The following NCOR2 variants were observed in gnomAD, a reference collection of about 807,000 sequenced individuals.
The protein encoded by NCOR2 is nuclear receptor corepressor 2, also known as CTG repeat protein 26.
Under a neutral mutation model 262.9 loss-of-function variants are expected in NCOR2, and 81 were observed. That is an observed-to-expected ratio of 0.31 (90% CI 0.26 to 0.37). The LOEUF (loss-of-function observed/expected upper bound fraction) is 0.37, where lower values mean the gene tolerates loss of function less well. NCOR2 is among the 10% of genes least tolerant of loss of function. NCOR2 has a pLI of 1.00. For synonymous variants in NCOR2, 1,659 were observed against 1,559.3 expected, an observed-to-expected ratio of 1.06 and a Z score of -1.51; for missense variants, 3,385 against 3,621.4, an observed-to-expected ratio of 0.93 and a Z score of 1.68.
chr12:124,395,579 C>T (rs1035328072), intron 16 of NCOR2, among the ~76,000 whole-genome samples: 4 of 152,210 alleles, frequency 2.6e-5, no homozygotes, highest in African/African-American at 7.2e-5. Flanking sequence ...TGGTGGGACA[C>T]GGGCTCCTCT....
chr12:124,411,509 T>G (rs2042585901), intron 13 of NCOR2, among the ~76,000 whole-genome samples: 1 of 152,164 alleles, frequency 6.6e-6, no homozygotes, highest in Admixed American at 6.5e-5. Context: ...GAGGCCCCCT[T>G]GGCCACATGA....
Position 124,333,290 on chromosome 12 carries a change from A to C in NCOR2, c.6606-11T>G. ...TTTGGCTCTGGAGACCTGGATGGAG[A>C]AAGGGCCCCAGATGTGGTCAGAGGT... On this transcript the variant is annotated splice_polypyrimidine_tract_variant and intron_variant, in intron 41 of 46. Coordinates refer to ENST00000405201, the Ensembl canonical transcript of NCOR2. 6.3e-7 allele frequency: 1 copy of C among 1,592,976 alleles called. No homozygotes were observed. The highest frequency in any genetic ancestry group is 1.1e-5 in the South Asian group (1 of 88,030).
chr12:124,400,947 G>A (rs993105927), intron 14 of NCOR2, among the ~76,000 whole-genome samples: 2 of 152,194 alleles, frequency 1.3e-5, no homozygotes, highest in African/African-American at 4.8e-5. Context: ...GGTCACACCT[G>A]TAATCTCAGC....
In NCOR2 at chr12:124,483,856, G is replaced by C. The variant is rs567840516; in HGVS notation, c.234-83C>G. ...AGGCCCCGACCACCCTCTGCGCCGA[G>C]CATCTACTGCGCGCCGTGCTCTGTA... On this transcript the variant is annotated intron_variant, in intron 2 of 46. Transcript: ENST00000405201. This position sits in a 1 kb window ranked among gnomAD's most constrained non-coding sequence, Gnocchi z 6.3. The C allele has an allele frequency of 1.0e-4, 141 of 1,401,148 alleles. 1 individual carries two copies. In the South Asian group the frequency reaches 1.8e-3, roughly 18 times the overall value. 86.8% of individuals were successfully genotyped at this position (1,401,148 alleles called of 1,614,324 possible).
exon 9 of NCOR2, chr12:124,430,702 C>T (rs757613317): frequency 2.4e-5 from 39 of 1,614,048 alleles, no homozygotes; most frequent in South Asian, 9.9e-5. Flanking sequence ...CTCCTTGGCC[C>T]GCCGCCGGGG....
chr12:124,528,196 C>T lies in NCOR2; in HGVS notation c.-118+7369G>A, dbSNP rs2050586918. 2.0e-5 allele frequency among the ~76,000 whole-genome samples: 3 copies of T among 152,284 alleles called. No homozygotes were observed. In the South Asian group the frequency reaches 6.2e-4, roughly 32 times the overall value. Reference sequence around the variant, plus strand: ...GCAGCGCCTCCCCGCCTCCTCCCTCCAGCTGGGGTGGGGATGACTATGAGA... The same window carrying T: ...GCAGCGCCTCCCCGCCTCCTCCCTCTAGCTGGGGTGGGGATGACTATGAGA... On this transcript the variant is annotated intron_variant, in intron 1 of 46. Coordinates refer to the NCOR2 transcript ENST00000404621.
At chr12:124,373,215 CCGGGCACAG>C (rs2039642757) in intron 19 of NCOR2, among the ~76,000 whole-genome samples, 1 of 146,564 alleles carries the variant, frequency 6.8e-6, no homozygotes, top group African/African-American at 2.8e-5. Context: ...TACAGGGGAC[CCGGGCACAG>C]TGGACAATGA....
Position 124,342,994 on chromosome 12 carries a change from AG to A in NCOR2, c.4936+10del, listed in dbSNP as rs780550212. 6.2e-6 allele frequency: 10 copies of A among 1,609,956 alleles called. No individual in the cohort carries two copies. In the African/African-American group the frequency reaches 9.3e-5, roughly 15 times the overall value. On this transcript the variant is annotated intron_variant, in intron 33 of 46. Transcript: ENST00000405201. ...ACCACTGCAGGGTTCTGGGAGCCCCAGGGCAATCACCTGCGTCCAGAGGGAT... is the reference window on the plus strand; with the variant it reads ...ACCACTGCAGGGTTCTGGGAGCCCCAGGCAATCACCTGCGTCCAGAGGGAT...
At chr12:124,398,743 A>G (rs560558265) in intron 15 of NCOR2, among the ~76,000 whole-genome samples, 1 of 152,312 alleles carries the variant, frequency 6.6e-6, no homozygotes, top group East Asian at 1.9e-4. Flanking sequence ...GTGACCATCA[A>G]AACTGTTCAC....
intron 8 of NCOR2, among the ~76,000 whole-genome samples, chr12:124,431,070 C>T (rs1046297544): frequency 2.0e-5 from 3 of 151,986 alleles, no homozygotes; most frequent in African/African-American, 7.3e-5. Context: ...GACACAGTCA[C>T]AGACATGCAC....
At chr12:124,479,361 A>G (rs2047287862) in intron 3 of NCOR2, among the ~76,000 whole-genome samples, 2 of 151,832 alleles carry the variant, frequency 1.3e-5, no homozygotes, top group African/African-American at 2.4e-5. Flanking sequence ...CGTGCAACAC[A>G]TGCACACTCA....
intron 11 of NCOR2, 106 bp from the exon 14 acceptor site, chr12:124,422,661 G>A (rs976216544): frequency 4.0e-5 from 55 of 1,364,044 alleles, no homozygotes; most frequent in South Asian, 2.9e-4. Flanking sequence ...CGGGCCTGGC[G>A]GGCACCGCCC....
chr12:124,375,882 G>C (rs2039953620), intron 18 of NCOR2, among the ~76,000 whole-genome samples: 1 of 152,212 alleles, frequency 6.6e-6, no homozygotes, highest in Admixed American at 6.5e-5. Context: ...ACTGCCCCCG[G>C]GGAGGGGCCT....
chr12:124,339,732 C>G (rs2036262508), intron 37 of NCOR2, among the ~76,000 whole-genome samples: 1 of 109,562 alleles, frequency 9.1e-6, no homozygotes, highest in Non-Finnish European at 2.2e-5. Flanking sequence ...ATCTATCTTT[C>G]CACTGACCCA....
intron 4 of NCOR2, among the ~76,000 whole-genome samples, chr12:124,469,791 C>G (rs2136677607): frequency 6.6e-6 from 1 of 152,280 alleles, no homozygotes; most frequent in Middle Eastern, 3.4e-3. Flanking sequence ...CTCTCTAATG[C>G]AAATCAAAAC....
At chr12:124,471,764 G>A (rs374701945) in intron 4 of NCOR2, among the ~76,000 whole-genome samples, 2 of 152,166 alleles carry the variant, frequency 1.3e-5, no homozygotes, top group African/African-American at 4.8e-5. Context: ...ACAGGGTCTC[G>A]CTATGTTGCC....
intron 11 of NCOR2, among the ~76,000 whole-genome samples, chr12:124,423,768 CT>C (rs1264384760): frequency 6.6e-6 from 1 of 152,214 alleles, no homozygotes; most frequent in Non-Finnish European, 1.5e-5. Flanking sequence ...GTTCCCCTCC[CT>C]CAATACCTCA....
At chr12:124,370,456 C>T (rs922443250) in intron 20 of NCOR2, among the ~76,000 whole-genome samples, 3 of 152,190 alleles carry the variant, frequency 2.0e-5, no homozygotes, top group Admixed American at 1.3e-4. Context: ...CCCGCATGAC[C>T]CTGCGGGTCT....
In NCOR2 at chr12:124,457,477, A is replaced by G. The variant is rs1203135713; in HGVS notation, c.706-315T>C. Among the ~76,000 whole-genome samples the G allele has an allele frequency of 6.6e-6, 1 of 151,930 alleles. No individual in the cohort carries two copies. The highest frequency in any genetic ancestry group is 1.5e-5 in the Non-Finnish European group (1 of 67,978). ...TCCCCCAGGGCCCAGCGACGTGGGCACCGCTCCCCACCAGCCCAGCCGACA... is the reference window on the plus strand; with the variant it reads ...TCCCCCAGGGCCCAGCGACGTGGGCGCCGCTCCCCACCAGCCCAGCCGACA... On this transcript the variant is annotated intron_variant, in intron 5 of 46. Transcript: ENST00000405201. The surrounding 1 kb of genome is among the most constrained non-coding windows in gnomAD (Gnocchi z 4.0).
Sources: gnomAD v4.1 joint callset for allele counts (sites outside exome capture counted in the v4.1 genomes callset) on GRCh38, gnomAD v4.1.1 for gene constraint, Gnocchi (gnomAD v3.1) non-coding constraint, MANE v1.5 for transcripts, NCBI Gene and HGNC (gene_info 2026-07-23, HGNC 2026-07-21) for gene names.